The following BRINP3 variants were observed in gnomAD, a reference collection of about 807,000 sequenced individuals.
BRINP3 encodes BMP/retinoic acid inducible neural specific 3.
A neutral mutation model predicts 71.0 loss-of-function variants in BRINP3; 19 were observed. That is an observed-to-expected ratio of 0.27 (90% CI 0.19 to 0.39). The LOEUF (loss-of-function observed/expected upper bound fraction) is 0.39, where lower values mean the gene tolerates loss of function less well. Among genes scored for constraint, BRINP3 ranks in the 10% least tolerant of loss-of-function variants. BRINP3 has a pLI of 1.00. For synonymous variants in BRINP3, 380 were observed against 337.7 expected (o/e 1.13, Z -1.37); for missense variants, 959 against 940.8 (o/e 1.02, Z -0.25).
At chr1:190,470,962 G>A (rs1174721648) in intron 1 of BRINP3, among the ~76,000 whole-genome samples, 1 of 151,014 alleles carries the variant, frequency 6.6e-6, no homozygotes, top group Non-Finnish European at 1.5e-5. Context: ...CTGTATGAAT[G>A]AATACTTTAT....
intron 1 of BRINP3, among the ~76,000 whole-genome samples, chr1:190,470,056 A>C (rs1224311756): frequency 2.0e-5 from 3 of 151,072 alleles, no homozygotes; most frequent in Non-Finnish European, 3.0e-5. Flanking sequence ...TATACTGGCC[A>C]CTATTTGACA....
intron 2 of BRINP3, among the ~76,000 whole-genome samples, chr1:190,358,403 A>G (rs1668887973): frequency 6.6e-6 from 1 of 152,232 alleles, no homozygotes; most frequent in South Asian, 2.1e-4. Context: ...CAACAGACAC[A>G]TGAAAAAATG....
chr1:190,378,089 T>G (rs1670295744), intron 2 of BRINP3, among the ~76,000 whole-genome samples: 1 of 152,014 alleles, frequency 6.6e-6, no homozygotes, highest in Admixed American at 6.6e-5. Context: ...GGAAACAAAG[T>G]TGGTGGTCTC....
chr1:190,159,393 T>C (rs553312660), intron 7 of BRINP3, among the ~76,000 whole-genome samples: 1 of 152,232 alleles, frequency 6.6e-6, no homozygotes, highest in South Asian at 2.1e-4. Flanking sequence ...TTGAAACATA[T>C]GTCCACATAA....
chr1:190,331,024 G>T (rs1238071034), intron 2 of BRINP3, among the ~76,000 whole-genome samples: 1 of 151,722 alleles, frequency 6.6e-6, no homozygotes, highest in Non-Finnish European at 1.5e-5. Context: ...TTGATCACTA[G>T]CATCCGAACT....
chr1:190,453,621 G>T (rs908907076), intron 2 of BRINP3, among the ~76,000 whole-genome samples: 1 of 152,140 alleles, frequency 6.6e-6, no homozygotes, highest in African/African-American at 2.4e-5. Context: ...AGAAGGCAAA[G>T]CAATAATTGT....
chr1:190,256,881 T>C (rs2102841319), intron 4 of BRINP3, among the ~76,000 whole-genome samples: 1 of 152,342 alleles, frequency 6.6e-6, no homozygotes, highest in African/African-American at 2.4e-5. Flanking sequence ...TGCTACCCTT[T>C]GTGGGTAACC....
At chr1:190,464,698 TTTTA>T (rs1388155465) in intron 1 of BRINP3, among the ~76,000 whole-genome samples, 1 of 151,992 alleles carries the variant, frequency 6.6e-6, no homozygotes, top group Non-Finnish European at 1.5e-5. Context: ...TATTGCACTT[TTTTA>T]TTTTTCTATT....
intron 6 of BRINP3, among the ~76,000 whole-genome samples, chr1:190,195,496 C>T (rs1303481510): frequency 6.6e-6 from 1 of 151,854 alleles, no homozygotes; most frequent in Non-Finnish European, 1.5e-5. Flanking sequence ...TTATATATCC[C>T]TTGCTAAATA....
At chr1:190,332,116 C>T (rs1451103672) in intron 2 of BRINP3, among the ~76,000 whole-genome samples, 2 of 151,932 alleles carry the variant, frequency 1.3e-5, no homozygotes, top group Non-Finnish European at 2.9e-5. Context: ...ATTATATATG[C>T]CTATTTTGTT....
chr1:190,429,775 G>A (rs1439095655), intron 2 of BRINP3, among the ~76,000 whole-genome samples: 4 of 151,676 alleles, frequency 2.6e-5, no homozygotes, highest in Admixed American at 6.6e-5. Flanking sequence ...ATTTTTAGTC[G>A]AGACAGTTTC....
intron 1 of BRINP3, among the ~76,000 whole-genome samples, chr1:190,461,300 C>A (rs900123843): frequency 2.0e-5 from 3 of 152,104 alleles, no homozygotes; most frequent in Non-Finnish European, 4.4e-5. Context: ...TAGTTTATTG[C>A]GGTTCCTCTG....
At chr1:190,333,268 C>A (rs750621753) in intron 2 of BRINP3, among the ~76,000 whole-genome samples, 1 of 151,822 alleles carries the variant, frequency 6.6e-6, no homozygotes, top group Non-Finnish European at 1.5e-5. Flanking sequence ...AGTGGTGAAC[C>A]TACGATTCAA....
chr1:190,416,439 C>G (rs1251040385), intron 2 of BRINP3, among the ~76,000 whole-genome samples: 1 of 151,982 alleles, frequency 6.6e-6, no homozygotes, highest in East Asian at 1.9e-4. Context: ...TAACTGCTGC[C>G]CCTAGAGGAG....
intron 2 of BRINP3, among the ~76,000 whole-genome samples, chr1:190,389,520 C>A (rs1671117315): frequency 6.6e-6 from 1 of 151,508 alleles, no homozygotes; most frequent in Non-Finnish European, 1.5e-5. Context: ...ATAATATGTC[C>A]AAAGAACCAC....
intron 2 of BRINP3, among the ~76,000 whole-genome samples, chr1:190,447,805 T>A (rs1013077799): frequency 1.7e-4 from 26 of 151,608 alleles, no homozygotes; most frequent in Non-Finnish European, 3.0e-4. Flanking sequence ...AACCCTGGTA[T>A]ATCATAATTT....
chr1:190,195,400 G>A (rs956204651), intron 6 of BRINP3, among the ~76,000 whole-genome samples: 1 of 151,934 alleles, frequency 6.6e-6, no homozygotes, highest in Non-Finnish European at 1.5e-5. Context: ...TTAAAAATCT[G>A]AAGGCACTCC....
intron 7 of BRINP3, among the ~76,000 whole-genome samples, chr1:190,107,340 G>C (rs1024810960): frequency 1.1e-4 from 16 of 151,788 alleles, no homozygotes; most frequent in African/African-American, 2.9e-4. Context: ...ATCTGTCCTT[G>C]TTACCCTCCT....
chr1:190,231,673 C>A (rs1658004969), intron 5 of BRINP3, among the ~76,000 whole-genome samples: 1 of 151,704 alleles, frequency 6.6e-6, no homozygotes, highest in South Asian at 2.1e-4. Context: ...TATTATCTAC[C>A]TTAAATATAT....
Sources: gnomAD v4.1 joint callset for allele counts (sites outside exome capture counted in the v4.1 genomes callset) on GRCh38, gnomAD v4.1.1 for gene constraint, MANE v1.5 for transcripts, NCBI Gene and HGNC (gene_info 2026-07-23, HGNC 2026-07-21) for gene names.